The following TBX22 variants were observed in gnomAD, a reference collection of about 807,000 sequenced individuals.
The protein encoded by TBX22 is T-box transcription factor TBX22.
In TBX22, 8 loss-of-function variants were observed where a neutral mutation model predicts 30.1. The ratio of observed to expected loss-of-function variants is 0.27; its 90% CI spans 0.16 to 0.48. The LOEUF (loss-of-function observed/expected upper bound fraction) is 0.48, where lower values mean the gene tolerates loss of function less well. TBX22 is among the 20% of genes least tolerant of loss of function. TBX22 has a pLI of 0.99. For missense variants in TBX22, 463 were observed against 400.5 expected (o/e 1.16, Z -1.33); for synonymous variants, 173 against 149.1 (o/e 1.16, Z -1.17).
chrX:80,022,341 C>T lies in TBX22; in HGVS notation c.72C>T (p.Leu24=), dbSNP rs138387312. 2,126 of 1,209,470 alleles carry T rather than the reference C, an allele frequency of 1.8e-3. 22 individuals carry two copies. In the African/African-American group the frequency reaches 0.027, roughly 15 times the overall value. ...TGGGGAGACCCAGCAAAAGAAAACT[C>T]CAAGACCCAATACAGGCGGAGCAGC... ...ALVGRPSKRK[L]QDPIQAEQPE... Residue 24 remains leucine, a synonymous_variant, in exon 2 of 9, where the codon CTC becomes CTT. Coordinates refer to ENST00000373296, the MANE Select transcript of TBX22 (RefSeq NM_001109878.2).
rs748884965 is a variant in TBX22 at position 80,020,904 on chromosome X, A to C, written c.-2-1364A>C. Reference sequence around the variant, plus strand: ...GAGAATAATATAATTTTTCTGGAAAAATGCAAATGCTATTAGTTAAGATGC... The same window carrying C: ...GAGAATAATATAATTTTTCTGGAAACATGCAAATGCTATTAGTTAAGATGC... On this transcript the variant is annotated intron_variant, in intron 1 of 8. Transcript: ENST00000373296. 4.5e-5 allele frequency among the ~76,000 whole-genome samples: 5 copies of C among 112,030 alleles called. No homozygotes were observed. In the East Asian group the frequency reaches 1.4e-3, roughly 32 times the overall value.
chrX:80,022,502 C>T, intron 2 of TBX22, 58 bp downstream of exon 2: 1 of 1,109,285 alleles, frequency 9.0e-7, no homozygotes, highest in Non-Finnish European at 1.2e-6. Flanking sequence ...CGCATCTCTC[C>T]GCCTGGCTCG....
rs746220727 is a variant in TBX22, at chrX:80,023,745, C to A, written c.357-318C>A. Among the ~76,000 whole-genome samples the A allele has an allele frequency of 3.6e-5, 4 of 111,595 alleles. No individual in the cohort carries two copies. The South Asian group carries it at 1.5e-3, about 43-fold the overall frequency. ...CACAAATCTGCCTCACAGAAAGTAC[C>A]CTTGAAAAGGAGGTTGGGACACAGC... On this transcript the variant is annotated intron_variant, in intron 3 of 8. Transcript: ENST00000373296.
chrX:80,017,280 T>TGTGTGTGTGTG (rs1923491642), intron 1 of TBX22, among the ~76,000 whole-genome samples: 1 of 93,955 alleles, frequency 1.1e-5, no homozygotes, highest in African/African-American at 4.0e-5. Context: ...GGTGTTGTTT[T>TGTGTGTGTGTG]TGTGTGTGTG....
At chrX:80,027,668 C>T (rs1157633650) in intron 7 of TBX22, among the ~76,000 whole-genome samples, 1 of 112,149 alleles carries the variant, frequency 8.9e-6, no homozygotes, top group Non-Finnish European at 1.9e-5. Context: ...TGAGCCACTG[C>T]ACCTGGTCCC....
chrX:80,022,310 C>A lies in TBX22; in HGVS notation c.41C>A (p.Ala14Asp). ...SSRARAFSVE[A>D]LVGRPSKRKL... is the part of the protein sequence containing the mutation. ...CGGGCGCGTGCCTTCTCCGTGGAAG[C>A]CTTGGTGGGGAGACCCAGCAAAAGA... Residue 14 changes from alanine to aspartate, a missense_variant, in exon 2 of 9, where the codon GCC becomes GAC. By Grantham distance (126) the Ala-to-Asp change is moderately radical. Coordinates refer to ENST00000373296, the MANE Select transcript of TBX22 (RefSeq NM_001109878.2). The A allele has an allele frequency of 8.3e-7, 1 of 1,211,588 alleles. No individual in the cohort carries two copies. The highest frequency in any genetic ancestry group is 1.1e-6 in the Non-Finnish European group (1 of 895,442).
At chrX:80,023,371 T>C in intron 3 of TBX22, 131 bp downstream of exon 3, 1 of 667,341 alleles carries the variant, frequency 1.5e-6, no homozygotes. Context: ...CTCCCTGACA[T>C]ACAGTAGAAA....
At chrX:80,026,600 A>T in intron 5 of TBX22, 104 bp from the exon 6 acceptor site, 1 of 877,122 alleles carries the variant, frequency 1.1e-6, no homozygotes, top group Non-Finnish European at 1.7e-6. Flanking sequence ...CCTAAGCTTC[A>T]TCATTGCCTT....
intron 8 of TBX22, among the ~76,000 whole-genome samples, chrX:80,028,660 A>G (rs1031957982): frequency 8.9e-6 from 1 of 112,307 alleles, no homozygotes; most frequent in Non-Finnish European, 1.9e-5. Context: ...TAATTAAATA[A>G]TGCAGGCTTT....
At chrX:80,020,669 C>T (rs750757113) in intron 1 of TBX22, among the ~76,000 whole-genome samples, 8 of 111,347 alleles carry the variant, frequency 7.2e-5, no homozygotes, top group Non-Finnish European at 1.5e-4. Flanking sequence ...AGATCTCCTC[C>T]CTATGGCTGA....
rs1238384913 is a variant in TBX22, at chrX:80,022,777, C to G, written c.176-283C>G. ...CCCAAATCCCGAGGGCATCCAGTCT[C>G]GGTTATCAACGTCTCCAGGAGAGTG... On this transcript the variant is annotated intron_variant, in intron 2 of 8. Coordinates refer to ENST00000373296, the MANE Select transcript of TBX22 (RefSeq NM_001109878.2). The G allele has an allele frequency of 7.6e-6, 3 of 392,494 alleles. No homozygotes were observed. In the East Asian group the frequency reaches 1.3e-4, roughly 17 times the overall value. The allele number at this position is 392,494 out of a possible 1,213,427, so 32.3% of individuals were successfully genotyped here.
At position 80,025,929 on chromosome X, in the gene TBX22, A is replaced by T; in HGVS notation, c.633+152A>T. The T allele has an allele frequency of 6.1e-6, 3 of 491,701 alleles. No individual in the cohort carries two copies. The South Asian group carries it at 9.6e-5, about 16-fold the overall frequency. The allele number at this position is 491,701 out of a possible 1,213,427, so 40.5% of individuals were successfully genotyped here. A position where few individuals can be genotyped will look rare whatever the true frequency, so the allele number is the denominator to read the frequency against. On this transcript the variant is annotated intron_variant, in intron 5 of 8. Transcript: ENST00000373296. ...CCTGCACCTGTAAGTAAAGTAGCTAACCTAGGGCTCCTGAAACGTTTGTTT... is the reference window on the plus strand; with the variant it reads ...CCTGCACCTGTAAGTAAAGTAGCTATCCTAGGGCTCCTGAAACGTTTGTTT...
chrX:80,023,307 A>G (rs1923813798), intron 3 of TBX22, 67 bp downstream of exon 3: 2 of 1,037,329 alleles, frequency 1.9e-6, no homozygotes, highest in Non-Finnish European at 2.7e-6. Flanking sequence ...CGCTCTGGTA[A>G]GATGAGGACT....
rs1057515990 is a variant in TBX22 at position 80,030,960 on chromosome X, C to T, written c.1412C>T (p.Ser471Phe). The T allele has an allele frequency of 7.4e-6, 9 of 1,210,599 alleles. No homozygotes were observed. The highest frequency in any genetic ancestry group is 1.0e-5 in the Non-Finnish European group (9 of 895,175). The change falls in exon 9 of 9, where the codon TCC becomes TTC. Residue 471 changes from serine (S) to phenylalanine (F), a missense_variant. Transcript: ENST00000373296. ...GCACTTAGTTGCTCCTTTCATCCTT[C>T]CTATGACTTTTATAGATACAATTTC... is the stretch of plus-strand genomic sequence containing the variant. ...PEALSCSFHP[S>F]YDFYRYNFSM...
chrX:80,029,972 C>A (rs1186502663), intron 8 of TBX22, among the ~76,000 whole-genome samples: 1 of 111,690 alleles, frequency 9.0e-6, no homozygotes, highest in Non-Finnish European at 1.9e-5. Flanking sequence ...TGGTCCCCAA[C>A]CTTTTTGGTA....
intron 1 of TBX22, among the ~76,000 whole-genome samples, chrX:80,020,362 A>T (rs188316970): frequency 1.8e-5 from 2 of 110,813 alleles, no homozygotes; most frequent in East Asian, 5.7e-4. Flanking sequence ...AGATCTTCTG[A>T]GTAAGAGGAA....
intron 1 of TBX22, among the ~76,000 whole-genome samples, chrX:80,020,944 TCCAGGGGCA>T (rs1923661828): frequency 9.0e-6 from 1 of 111,603 alleles, no homozygotes; most frequent in African/African-American, 3.3e-5. Flanking sequence ...TGCAAAAGAA[TCCAGGGGCA>T]CTTGATTTCT....
At position 80,015,999 on chromosome X, in the gene TBX22, T is replaced by G. The variant is rs886141115; in HGVS notation, c.-3+1112T>G. Among the ~76,000 whole-genome samples the G allele has an allele frequency of 1.6e-4, 18 of 111,554 alleles. No homozygotes were observed. In the Admixed American group the frequency reaches 1.7e-3, roughly 11 times the overall value. On this transcript the variant is annotated intron_variant, in intron 1 of 8. Coordinates refer to ENST00000373296, the MANE Select transcript of TBX22 (RefSeq NM_001109878.2). The stretch of plus-strand genomic sequence containing the variant: ...GTATGAAAGAAGGCATAGATTGGCT[T>G]CAAGCACAGGCAGTATAGGTGTTTG...
chrX:80,022,716 G>A (rs1923774704), intron 2 of TBX22: 1 of 433,434 alleles, frequency 2.3e-6, no homozygotes, highest in Non-Finnish European at 4.0e-6. Flanking sequence ...GCCAGCGGGT[G>A]GCTGCTGTAT....
Sources: gnomAD v4.1 joint callset for allele counts (sites outside exome capture counted in the v4.1 genomes callset) on GRCh38, gnomAD v4.1.1 for gene constraint, MANE v1.5 for transcripts, NCBI Gene and HGNC (gene_info 2026-07-23, HGNC 2026-07-21) for gene names.